RBL1: variants seen among roughly 807,000 people sequenced by gnomAD.
RBL1 encodes the protein RB transcriptional corepressor like 1.
RBL1 carries 82 observed loss-of-function variants against 123.0 expected under a neutral mutation model. The ratio of observed to expected loss-of-function variants is 0.67; its 90% CI spans 0.56 to 0.80. The LOEUF (loss-of-function observed/expected upper bound fraction) is 0.80, where lower values mean the gene tolerates loss of function less well. RBL1 is among the 30% of genes least tolerant of loss of function. The pLI is 0.00. For synonymous variants in RBL1, 405 were observed against 441.3 expected, an observed-to-expected ratio of 0.92 and a Z score of 1.03; for missense variants, 1,171 against 1,299.6, an observed-to-expected ratio of 0.90 and a Z score of 1.52.
rs1568865650 is a variant in RBL1, at chr20:37,058,132, AAACAAAAC to A, written c.1251-1882_1251-1875del. 7.3e-4 allele frequency among the ~76,000 whole-genome samples: 102 copies of A among 140,672 alleles called. 5 individuals are homozygous for A. Among genetic ancestry groups the A allele is most frequent in the African/African-American group, 2.2e-3 (79 of 35,162 alleles). 92.3% of individuals were successfully genotyped at this position (140,672 alleles called of 152,430 possible). A position where few individuals can be genotyped will look rare whatever the true frequency, so the allele number is the denominator to read the frequency against. ...ACTCTGTCTAAAAAAAAAAAAAACAAAACAAAACAAAAAAAAAAAAGCCTATTCCAGGG... is the reference window on the plus strand; with the variant it reads ...ACTCTGTCTAAAAAAAAAAAAAACAAAAAAAAAAAAAAGCCTATTCCAGGG... On this transcript the variant is annotated intron_variant, in intron 9 of 21. Transcript: ENST00000373664.
Position 37,089,101 on chromosome 20 carries a change from C to A in RBL1, c.178G>T (p.Ala60Ser), listed in dbSNP as rs753195308. Residue 60 changes from alanine (A) to serine (S), a missense_variant, in exon 2 of 22, where the codon GCA (alanine) becomes TCA (serine). Coordinates refer to ENST00000373664, the MANE Select transcript of RBL1 (RefSeq NM_002895.5). ...SLEGEVTHWL[A>S]CSLYVACRKS... ...CGGCATGCAACATATAATGAACATG[C>A]CAACCAGTGTGTAACTTCTCCCTGG... The A allele has an allele frequency of 6.2e-7, 1 of 1,607,962 alleles. No individual in the cohort carries two copies. Among genetic ancestry groups the A allele is most frequent in the Non-Finnish European group, 8.5e-7 (1 of 1,176,824 alleles).
At chr20:37,009,086 G>A (rs996580681) in intron 19 of RBL1, among the ~76,000 whole-genome samples, 2 of 151,410 alleles carry the variant, frequency 1.3e-5, no homozygotes, top group Non-Finnish European at 2.9e-5. Context: ...GTGCAGTGGT[G>A]CAATCTCGGC....
At chr20:37,070,568 T>C (rs1483124938) in intron 2 of RBL1, among the ~76,000 whole-genome samples, 1 of 151,996 alleles carries the variant, frequency 6.6e-6, no homozygotes, top group African/African-American at 2.4e-5. Context: ...ATTTTCCAAA[T>C]GGGAATTTGA....
At chr20:37,022,001 A>G (rs1214756046) in intron 17 of RBL1, 3 of 152,230 alleles carry the variant, frequency 2.0e-5, no homozygotes, top group Non-Finnish European at 4.4e-5. Flanking sequence ...GTCAACCACC[A>G]TAGTGCTGCA....
intron 2 of RBL1, among the ~76,000 whole-genome samples, chr20:37,088,726 G>A (rs1303222394): frequency 6.6e-6 from 1 of 151,768 alleles, no homozygotes; most frequent in Non-Finnish European, 1.5e-5. Context: ...AGCCGGGCTT[G>A]GTGGTGTGTG....
At chr20:37,088,063 G>A (rs773813459) in intron 2 of RBL1, among the ~76,000 whole-genome samples, 28 of 152,086 alleles carry the variant, frequency 1.8e-4, no homozygotes, top group Non-Finnish European at 3.4e-4. Flanking sequence ...TCGGGAGTTC[G>A]AGACCAGCCT....
rs777851891 is a variant in RBL1 at position 37,040,152 on chromosome 20, C to T, written c.1903+1G>A. 11 of 1,612,904 alleles carry T rather than the reference C, an allele frequency of 6.8e-6. No individual in the cohort carries two copies. In the Admixed American group the frequency reaches 1.8e-4, roughly 27 times the overall value. On this transcript the variant is annotated splice_donor_variant, in intron 14 of 21. Transcript: ENST00000373664. LOFTEE classifies it high-confidence loss of function. ...CATTCCTTTACCAATGTTGAACCTACCTCTTCGAAGACTCCCACTGTCAGT... is the reference window on the plus strand; with the variant it reads ...CATTCCTTTACCAATGTTGAACCTATCTCTTCGAAGACTCCCACTGTCAGT...
chr20:37,061,005 A>G, intron 9 of RBL1, 98 bp downstream of exon 9: 1 of 1,274,534 alleles, frequency 7.8e-7, no homozygotes, highest in South Asian at 1.9e-5. Flanking sequence ...CCAGATGAAC[A>G]TCCACTATCT....
intron 2 of RBL1, among the ~76,000 whole-genome samples, chr20:37,070,813 T>C (rs1369513751): frequency 6.6e-6 from 1 of 152,134 alleles, no homozygotes; most frequent in African/African-American, 2.4e-5. Context: ...TTTATGTCCC[T>C]ATGTTAACGT....
chr20:37,072,452 A>G (rs2065297219), intron 2 of RBL1, among the ~76,000 whole-genome samples: 1 of 152,016 alleles, frequency 6.6e-6, no homozygotes, highest in Non-Finnish European at 1.5e-5. Flanking sequence ...CGGTGAGCTG[A>G]GATCGCACCA....
chr20:37,025,356 C>CA (rs2064402641), intron 16 of RBL1, among the ~76,000 whole-genome samples: 1 of 151,908 alleles, frequency 6.6e-6, no homozygotes, highest in Non-Finnish European at 1.5e-5. Context: ...CCCTTCTCTA[C>CA]AAAAAATTAA....
chr20:37,004,190 C>T (rs2064033885), intron 20 of RBL1, among the ~76,000 whole-genome samples: 1 of 151,610 alleles, frequency 6.6e-6, no homozygotes, highest in Non-Finnish European at 1.5e-5. Flanking sequence ...CCTCCCTCAG[C>T]CTCCCAAGTA....
chr20:37,001,895 T>G (rs1185298950), intron 21 of RBL1, among the ~76,000 whole-genome samples: 1 of 116,928 alleles, frequency 8.6e-6, no homozygotes, highest in Non-Finnish European at 1.7e-5. Context: ...AGAGTTGAAT[T>G]AAAATAGCAG....
intron 2 of RBL1, among the ~76,000 whole-genome samples, chr20:37,071,968 T>G (rs879323462): frequency 2.0e-5 from 3 of 152,130 alleles, no homozygotes; most frequent in Non-Finnish European, 4.4e-5. Context: ...ATCTCTTTTT[T>G]TAAATAAGTC....
At position 37,040,926 on chromosome 20, in the gene RBL1, C is replaced by T. The variant is rs752846284; in HGVS notation, c.1771-641G>A. On this transcript the variant is annotated intron_variant, in intron 13 of 21. Transcript: ENST00000373664. ...CACAACTAGTAAGTTATAAGAGCAA[C>T]GGCTTCAATACTAATCCTTCTTCAA... 1.2e-3 allele frequency among the ~76,000 whole-genome samples: 178 copies of T among 152,246 alleles called. 4 individuals are homozygous for T. The highest frequency in any genetic ancestry group is 3.4e-4 in the Non-Finnish European group (23 of 68,030).
rs148046422 is a variant in RBL1, at chr20:37,040,285, C to G, written c.1771G>C (p.Val591Leu). 6.2e-5 allele frequency: 100 copies of G among 1,612,360 alleles called. No individual in the cohort carries two copies. The highest frequency in any genetic ancestry group is 8.1e-5 in the Non-Finnish European group (96 of 1,179,566). ...SANKVPTCEEVIFPNNFETGN... is the reference protein window; with the variant it reads ...SANKVPTCEELIFPNNFETGN... ...GTTTCAAAGTTATTTGGGAATATAA[C>G]CTGTAGAAAACAAAAACCCTTTGAT... Residue 591 changes from valine to leucine, a missense_variant and splice_region_variant, in exon 14 of 22, where the codon GTT (valine) becomes CTT (leucine). Physicochemically the swap from Val to Leu is conservative, Grantham distance 32 (BLOSUM62 1). Transcript: ENST00000373664.
At chr20:37,022,575 C>CG in intron 17 of RBL1, 75 bp downstream of exon 17, 1 of 1,376,904 alleles carries the variant, frequency 7.3e-7, no homozygotes, top group Non-Finnish European at 9.8e-7. Context: ...TATCTGCTCA[C>CG]CTTGACCTCC....
chr20:36,998,566 C>T lies in RBL1; in HGVS notation c.*193G>A. On this transcript the variant is annotated 3_prime_UTR_variant, in exon 22 of 22. Transcript: ENST00000373664. ...AAAAGGCACTTAAAATATTCCTTTC[C>T]AATCCAACTCAAAATACATCTCTGT... The T allele has an allele frequency of 1.8e-6, 1 of 548,758 alleles. No homozygotes were observed. Among genetic ancestry groups the T allele is most frequent in the Non-Finnish European group, 3.1e-6 (1 of 320,630 alleles). 34.0% of individuals were successfully genotyped at this position (548,758 alleles called of 1,614,324 possible).
chr20:37,044,143 A>G lies in RBL1; in HGVS notation c.1713T>C (p.Asp571=). ...CCTGGAGAGCCTCCCACAGTGCAGAATCGTGACTCCATGCTAAACTCTCCA... is the reference window on the plus strand; with the variant it reads ...CCTGGAGAGCCTCCCACAGTGCAGAGTCGTGACTCCATGCTAAACTCTCCA... ...QILESLAWSH[D]SALWEALQVS... is the part of the protein sequence containing the mutation. Residue 571 remains aspartate, a synonymous_variant, in exon 13 of 22, where the codon GAT becomes GAC. Transcript: ENST00000373664. 6.2e-7 allele frequency: 1 copy of G among 1,613,578 alleles called. No homozygotes were observed. Among genetic ancestry groups the G allele is most frequent in the Non-Finnish European group, 8.5e-7 (1 of 1,179,908 alleles).
Sources: allele counts gnomAD v4.1 joint callset (sites outside exome capture counted in the v4.1 genomes callset), GRCh38; gene constraint gnomAD v4.1.1; transcripts MANE v1.5; gene names NCBI Gene and HGNC (gene_info 2026-07-23, HGNC 2026-07-21).